Variants in NEK11 observed in about 807,000 individuals in gnomAD.
The protein encoded by NEK11 is NIMA related kinase 11, also known as serine/threonine-protein kinase Nek11.
Under a neutral mutation model 80.7 loss-of-function variants are expected in NEK11, and 72 were observed. The ratio of observed to expected loss-of-function variants is 0.89; its 90% CI spans 0.74 to 1.08. NEK11 has a LOEUF of 1.08. Among genes scored for constraint, NEK11 ranks in the 50% least tolerant of loss-of-function variants. The pLI is 0.00. For synonymous variants in NEK11, 251 were observed against 260.7 expected, an observed-to-expected ratio of 0.96 and a Z score of 0.36; for missense variants, 764 against 763.6, an observed-to-expected ratio of 1.00 and a Z score of -0.01.
intron 14 of NEK11, among the ~76,000 whole-genome samples, chr3:131,216,786 C>T (rs1352118101): frequency 6.6e-6 from 1 of 152,194 alleles, no homozygotes; most frequent in Non-Finnish European, 1.5e-5. Context: ...TGGTTTGAAA[C>T]ATTTCTTAGC....
chr3:131,211,053 A>T (rs1041717135), intron 14 of NEK11, among the ~76,000 whole-genome samples: 4 of 152,160 alleles, frequency 2.6e-5, no homozygotes, highest in Non-Finnish European at 5.9e-5. Flanking sequence ...TAGTTGATGC[A>T]GTTTCTTCCT....
At chr3:131,215,575 G>A (rs1042492969) in intron 14 of NEK11, among the ~76,000 whole-genome samples, 5 of 152,146 alleles carry the variant, frequency 3.3e-5, no homozygotes, top group Admixed American at 1.3e-4. Context: ...TGGTGTAAAA[G>A]AAGGCAGAAA....
In NEK11 at chr3:131,089,935, C is replaced by A. The variant is rs375837392; in HGVS notation, c.336+9347C>A. On this transcript the variant is annotated intron_variant, in intron 4 of 17. Transcript: ENST00000383366. Reference sequence around the variant, plus strand: ...AGTTGTCAGTCCAGCGAATTAATAACGGAAGCTTTTTCATTTTAAAATAAA... The same window carrying A: ...AGTTGTCAGTCCAGCGAATTAATAAAGGAAGCTTTTTCATTTTAAAATAAA... Among the ~76,000 whole-genome samples, 6 of 152,114 alleles carry A rather than the reference C, an allele frequency of 3.9e-5. No homozygotes were observed. In the East Asian group the frequency reaches 9.6e-4, roughly 24 times the overall value.
chr3:131,139,692 G>A (rs1028481018), intron 7 of NEK11, among the ~76,000 whole-genome samples: 3 of 152,178 alleles, frequency 2.0e-5, no homozygotes, highest in African/African-American at 4.8e-5. Context: ...ATTTAGTTGT[G>A]TTAACAAGTT....
At chr3:131,228,760 G>A in intron 15 of NEK11, 72 bp downstream of exon 15, 2 of 1,467,118 alleles carry the variant, frequency 1.4e-6, no homozygotes, top group Non-Finnish European at 1.8e-6. Context: ...GAGAAGAAAG[G>A]AAGTCTTATA....
chr3:131,152,869 A>G (rs950402866), intron 9 of NEK11, among the ~76,000 whole-genome samples, 160 bp downstream of exon 9: 2 of 152,148 alleles, frequency 1.3e-5, no homozygotes, highest in African/African-American at 4.8e-5. Flanking sequence ...ATGGATCACG[A>G]GGTCAAGAGA....
chr3:131,238,281 G>C (rs2095466302), intron 15 of NEK11, among the ~76,000 whole-genome samples: 1 of 152,084 alleles, frequency 6.6e-6, no homozygotes, highest in Non-Finnish European at 1.5e-5. Context: ...CCGTCTGAGT[G>C]GCCACTATTG....
intron 4 of NEK11, among the ~76,000 whole-genome samples, chr3:131,104,397 T>G (rs1048092964): frequency 3.9e-5 from 6 of 152,120 alleles, no homozygotes; most frequent in African/African-American, 1.2e-4. Context: ...GCTGCCTTAC[T>G]GTATGGCAGC....
At chr3:131,188,497 C>A (rs1434323087) in intron 14 of NEK11, among the ~76,000 whole-genome samples, 1 of 152,092 alleles carries the variant, frequency 6.6e-6, no homozygotes, top group African/African-American at 2.4e-5. Context: ...TACCTGTTTT[C>A]TTCTTTCTGG....
rs536942706 is a variant in NEK11 at position 131,057,223 on chromosome 3, T to A, written c.171-23200T>A. 2.3e-3 allele frequency among the ~76,000 whole-genome samples: 352 copies of A among 151,966 alleles called. 1 individual carries two copies. Among genetic ancestry groups the A allele is most frequent in the African/African-American group, 8.0e-3 (332 of 41,466 alleles). On this transcript the variant is annotated intron_variant, in intron 3 of 17. Coordinates refer to ENST00000383366, the MANE Select transcript of NEK11 (RefSeq NM_024800.5). ...CCCTACAAAGGACATGAACTCATCA[T>A]TTTTTATGGCTGCATAGTATTCCAT...
chr3:131,331,820 A>C (rs1287230247), intron 17 of NEK11, among the ~76,000 whole-genome samples: 26 of 152,226 alleles, frequency 1.7e-4, no homozygotes, highest in Non-Finnish European at 1.5e-5. Context: ...ATATCCCACA[A>C]CTGGCTCGGA....
chr3:131,347,063 C>A (rs1263335756), intron 17 of NEK11, among the ~76,000 whole-genome samples: 1 of 152,068 alleles, frequency 6.6e-6, no homozygotes, highest in Non-Finnish European at 1.5e-5. Flanking sequence ...AAAGAAACAC[C>A]TGGATTTTGT....
intron 17 of NEK11, among the ~76,000 whole-genome samples, chr3:131,292,539 A>C (rs1234980976): frequency 6.8e-6 from 1 of 148,074 alleles, no homozygotes; most frequent in Non-Finnish European, 1.5e-5. Context: ...TTTTAGAGAT[A>C]GAGTCTCACT....
intron 3 of NEK11, among the ~76,000 whole-genome samples, chr3:131,040,899 A>G (rs1425985774): frequency 6.6e-6 from 1 of 152,216 alleles, no homozygotes; most frequent in African/African-American, 2.4e-5. Flanking sequence ...TGATGTTTCC[A>G]CTTCCCTATT....
intron 17 of NEK11, among the ~76,000 whole-genome samples, chr3:131,299,924 C>G (rs1027610867): frequency 2.0e-5 from 3 of 152,156 alleles, no homozygotes; most frequent in Admixed American, 1.3e-4. Context: ...ATTGGTAGTT[C>G]TATTTTTAAG....
intron 17 of NEK11, among the ~76,000 whole-genome samples, chr3:131,281,137 AT>A (rs1192575075): frequency 1.3e-5 from 2 of 152,076 alleles, no homozygotes; most frequent in Non-Finnish European, 1.5e-5. Flanking sequence ...TTTGCTTCAC[AT>A]TTTTTTAAAC....
chr3:131,224,430 T>C (rs1191003145), intron 14 of NEK11, among the ~76,000 whole-genome samples: 1 of 152,138 alleles, frequency 6.6e-6, no homozygotes, highest in Non-Finnish European at 1.5e-5. Flanking sequence ...GGTTTCTCCA[T>C]GTTGCCCAGG....
At chr3:131,211,263 T>C (rs1258266840) in intron 14 of NEK11, among the ~76,000 whole-genome samples, 4 of 152,112 alleles carry the variant, frequency 2.6e-5, no homozygotes, top group African/African-American at 9.7e-5. Flanking sequence ...AAATTCTAGG[T>C]TGAACATTCT....
At chr3:131,064,635 CAG>C (rs2071536043) in intron 3 of NEK11, among the ~76,000 whole-genome samples, 7 of 152,098 alleles carry the variant, frequency 4.6e-5, no homozygotes, top group Admixed American at 4.6e-4. Context: ...TAAAATTAGA[CAG>C]TGTTGATGGT....
Sources: gnomAD v4.1 joint callset for allele counts (sites outside exome capture counted in the v4.1 genomes callset) on GRCh38, gnomAD v4.1.1 for gene constraint, MANE v1.5 for transcripts, NCBI Gene and HGNC (gene_info 2026-07-23, HGNC 2026-07-21) for gene names.